The following ZNF407 variants were observed in gnomAD, a reference collection of about 807,000 sequenced individuals.
ZNF407 encodes the protein zinc finger protein 407.
A neutral mutation model predicts 131.2 loss-of-function variants in ZNF407; 17 were observed. The ratio of observed to expected loss-of-function variants is 0.13; its 90% CI spans 0.09 to 0.19. ZNF407 has a LOEUF of 0.19. Among genes scored for constraint, ZNF407 ranks in the 10% least tolerant of loss-of-function variants. The probability of loss-of-function intolerance (pLI) is 1.00; values close to 1 mark genes in which losing one functional copy is unlikely to be tolerated. For synonymous variants in ZNF407, 1,156 were observed against 1,062.0 expected (o/e 1.09, Z -1.72); for missense variants, 2,681 against 2,830.6 (o/e 0.95, Z 1.20).
At chr18:74,698,461 G>A (rs1032363552) in intron 3 of ZNF407, among the ~76,000 whole-genome samples, 5 of 152,180 alleles carry the variant, frequency 3.3e-5, no homozygotes, top group African/African-American at 1.2e-4. Context: ...CTGGTTATAT[G>A]TATTATGTGT....
intron 8 of ZNF407, among the ~76,000 whole-genome samples, chr18:75,043,541 T>G (rs2122244776): frequency 6.6e-6 from 1 of 152,360 alleles, no homozygotes; most frequent in East Asian, 1.9e-4. Context: ...GTCCGCTTGC[T>G]ATGGCTTCTG....
At chr18:74,971,168 AT>A (rs1462294518) in intron 8 of ZNF407, among the ~76,000 whole-genome samples, 1 of 151,974 alleles carries the variant, frequency 6.6e-6, no homozygotes, top group African/African-American at 2.4e-5. Flanking sequence ...CCACAGAACC[AT>A]TTTTTGCCTC....
intron 3 of ZNF407, among the ~76,000 whole-genome samples, chr18:74,698,654 A>G (rs1967418315): frequency 6.6e-6 from 1 of 152,214 alleles, no homozygotes; most frequent in African/African-American, 2.4e-5. Context: ...ACAAAGAACA[A>G]AAAGGCTCAT....
intron 4 of ZNF407, among the ~76,000 whole-genome samples, chr18:74,841,345 G>C (rs549096954): frequency 6.6e-6 from 1 of 152,170 alleles, no homozygotes; most frequent in Non-Finnish European, 1.5e-5. Context: ...GCTGCTAACT[G>C]TTTACCACCA....
At chr18:74,711,490 G>C (rs1967760732) in intron 3 of ZNF407, among the ~76,000 whole-genome samples, 1 of 152,184 alleles carries the variant, frequency 6.6e-6, no homozygotes, top group African/African-American at 2.4e-5. Context: ...TGAGGAAGAA[G>C]GGGCCATGAG....
intron 4 of ZNF407, among the ~76,000 whole-genome samples, chr18:74,827,772 G>A (rs889508989): frequency 6.6e-6 from 1 of 152,142 alleles, no homozygotes; most frequent in Non-Finnish European, 1.5e-5. Context: ...TGCGAGGTTT[G>A]CACACATTTA....
intron 8 of ZNF407, among the ~76,000 whole-genome samples, chr18:74,973,138 A>ATG (rs1555705327): frequency 6.7e-4 from 63 of 93,428 alleles, no homozygotes; most frequent in Middle Eastern, 6.8e-3. Context: ...TTATATATAT[A>ATG]TGTGTGTGTG....
At chr18:74,897,946 T>C (rs941588169) in intron 7 of ZNF407, 2 of 152,220 alleles carry the variant, frequency 1.3e-5, no homozygotes, top group Non-Finnish European at 2.9e-5. Flanking sequence ...GTTTGTACTT[T>C]ATGTACAAAT....
At chr18:75,033,050 T>TG (rs1175647029) in intron 8 of ZNF407, among the ~76,000 whole-genome samples, 1 of 101,050 alleles carries the variant, frequency 9.9e-6, no homozygotes, top group Non-Finnish European at 1.8e-5. Flanking sequence ...CTGCTCGGAA[T>TG]GGGGGGAAGA....
chr18:75,012,366 A>G (rs1972987699), intron 8 of ZNF407, among the ~76,000 whole-genome samples: 2 of 93,424 alleles, frequency 2.1e-5, no homozygotes, highest in Non-Finnish European at 4.7e-5. Context: ...GTGTATGTAC[A>G]CATAGTGTAT....
intron 8 of ZNF407, among the ~76,000 whole-genome samples, chr18:75,002,360 C>T (rs368157272): frequency 7.5e-4 from 114 of 152,150 alleles, no homozygotes; most frequent in African/African-American, 2.7e-3. Flanking sequence ...CTCTGTAGTC[C>T]CTAGGGCAGC....
At chr18:74,865,309 T>C (rs1313512824) in intron 4 of ZNF407, among the ~76,000 whole-genome samples, 1 of 152,186 alleles carries the variant, frequency 6.6e-6, no homozygotes. Context: ...AGTTGTGTGG[T>C]TTTGTTTTCT....
At chr18:74,899,860 A>G (rs1217309713) in intron 7 of ZNF407, among the ~76,000 whole-genome samples, 1 of 152,202 alleles carries the variant, frequency 6.6e-6, no homozygotes, top group East Asian at 1.9e-4. Context: ...AACAGAAAAC[A>G]GGTAAGTGGA....
In ZNF407 at chr18:74,828,633, T is replaced by C. The variant is rs1568232943; in HGVS notation, c.4877+47131T>C. Among the ~76,000 whole-genome samples, 5 of 151,672 alleles carry C rather than the reference T, an allele frequency of 3.3e-5. No individual in the cohort carries two copies. In the South Asian group the frequency reaches 6.3e-4, roughly 19 times the overall value. On this transcript the variant is annotated intron_variant, in intron 4 of 8. Coordinates refer to ENST00000299687, the MANE Select transcript of ZNF407 (RefSeq NM_017757.3). ...GGAACCTGTTCTTTCCACCACTGTATAGCTAGAAGGTTCTGCTGATTCTAC... is the reference window on the plus strand; with the variant it reads ...GGAACCTGTTCTTTCCACCACTGTACAGCTAGAAGGTTCTGCTGATTCTAC...
intron 3 of ZNF407, among the ~76,000 whole-genome samples, chr18:74,752,858 G>A (rs1968839529): frequency 6.6e-6 from 1 of 152,138 alleles, no homozygotes; most frequent in African/African-American, 2.4e-5. Flanking sequence ...GGCAATGTGG[G>A]CTCTTTTTTG....
At chr18:75,060,966 T>C (rs1453199037) in intron 8 of ZNF407, among the ~76,000 whole-genome samples, 1 of 152,182 alleles carries the variant, frequency 6.6e-6, no homozygotes, top group Non-Finnish European at 1.5e-5. Context: ...CCATGTCCCC[T>C]TGGTAAACGT....
intron 8 of ZNF407, among the ~76,000 whole-genome samples, chr18:75,037,853 CA>C (rs1297221548): frequency 6.6e-6 from 1 of 152,122 alleles, no homozygotes; most frequent in South Asian, 2.1e-4. Context: ...TGTCCCTTCT[CA>C]GGGGGGCACG....
intron 3 of ZNF407, among the ~76,000 whole-genome samples, chr18:74,755,160 T>C (rs1968898979): frequency 3.0e-5 from 2 of 66,766 alleles, no homozygotes; most frequent in Non-Finnish European, 5.7e-5. Flanking sequence ...TATCAGAGAC[T>C]AGGATTGCAA....
chr18:74,692,822 C>A (rs1021735407), intron 3 of ZNF407, among the ~76,000 whole-genome samples: 27 of 152,250 alleles, frequency 1.8e-4, no homozygotes, highest in African/African-American at 6.5e-4. Context: ...CACCCCTCCC[C>A]CAGAGCAGTG....
Sources: allele counts gnomAD v4.1 joint callset (sites outside exome capture counted in the v4.1 genomes callset), GRCh38; gene constraint gnomAD v4.1.1; transcripts MANE v1.5; gene names NCBI Gene and HGNC (gene_info 2026-07-23, HGNC 2026-07-21).